CTNNA3: variants seen among roughly 807,000 people sequenced by gnomAD.
CTNNA3 encodes catenin alpha-3.
Under a neutral mutation model 95.7 loss-of-function variants are expected in CTNNA3, and 76 were observed. The observed-to-expected ratio is 0.79, with a 90% CI of 0.66 to 0.96. The LOEUF (loss-of-function observed/expected upper bound fraction) is 0.96, where lower values mean the gene tolerates loss of function less well. Ranked by LOEUF, CTNNA3 falls within the 40% of genes least tolerant of loss-of-function variation. The pLI is 0.00. For missense variants in CTNNA3, 1,191 were observed against 1,089.8 expected, an observed-to-expected ratio of 1.09 and a Z score of -1.31; for synonymous variants, 431 against 374.4, an observed-to-expected ratio of 1.15 and a Z score of -1.74.
intron 16 of CTNNA3, among the ~76,000 whole-genome samples, chr10:65,971,585 T>C (rs1404203885): frequency 6.6e-6 from 1 of 151,734 alleles, no homozygotes; most frequent in Non-Finnish European, 1.5e-5. Flanking sequence ...AAAAGATAAA[T>C]TTCTGAAACA....
intron 7 of CTNNA3, among the ~76,000 whole-genome samples, chr10:66,986,361 G>A (rs1426070685): frequency 6.6e-6 from 1 of 152,036 alleles, no homozygotes; most frequent in Non-Finnish European, 1.5e-5. Context: ...GCCAGGCATG[G>A]TGGCACATGC....
chr10:66,326,988 CAGTT>C (rs1453141848), intron 12 of CTNNA3, among the ~76,000 whole-genome samples: 5 of 151,980 alleles, frequency 3.3e-5, no homozygotes, highest in African/African-American at 7.3e-5. Context: ...TTTAGTCAAA[CAGTT>C]AGGCAGCTAA....
chr10:66,579,137 T>C (rs975200828), intron 10 of CTNNA3, among the ~76,000 whole-genome samples: 2 of 151,892 alleles, frequency 1.3e-5, no homozygotes, highest in South Asian at 2.1e-4. Flanking sequence ...CTGTTCATAA[T>C]AGTCTCTGAG....
At chr10:67,464,579 T>C (rs940716892) in intron 5 of CTNNA3, among the ~76,000 whole-genome samples, 2 of 152,140 alleles carry the variant, frequency 1.3e-5, no homozygotes, top group Non-Finnish European at 2.9e-5. Flanking sequence ...AGCAGACCTT[T>C]TGGGGTACTT....
chr10:67,012,079 C>G (rs1001828592), intron 7 of CTNNA3, among the ~76,000 whole-genome samples: 1 of 152,142 alleles, frequency 6.6e-6, no homozygotes, highest in African/African-American at 2.4e-5. Context: ...TCACAAGCTC[C>G]GTAGATACAA....
intron 11 of CTNNA3, among the ~76,000 whole-genome samples, chr10:66,417,239 A>G (rs1187415758): frequency 6.6e-6 from 1 of 152,014 alleles, no homozygotes; most frequent in Non-Finnish European, 1.5e-5. Flanking sequence ...AGAGGTAGCT[A>G]TACTCATATC....
chr10:66,923,196 C>G (rs1374445091), intron 7 of CTNNA3, among the ~76,000 whole-genome samples: 1 of 152,146 alleles, frequency 6.6e-6, no homozygotes, highest in African/African-American at 2.4e-5. Flanking sequence ...TGTCTGAAAA[C>G]TAAGAGCAAT....
intron 5 of CTNNA3, among the ~76,000 whole-genome samples, chr10:67,233,701 C>CA (rs1306257033): frequency 7.6e-5 from 11 of 144,512 alleles, no homozygotes; most frequent in Non-Finnish European, 1.5e-4. Flanking sequence ...AAAAACCCTT[C>CA]AAAAAATTAA....
At position 66,584,820 on chromosome 10, in the gene CTNNA3, T is replaced by C. The variant is rs138539211; in HGVS notation, c.1374+36872A>G. On this transcript the variant is annotated intron_variant, in intron 10 of 17. Coordinates refer to ENST00000433211, the MANE Select transcript of CTNNA3 (RefSeq NM_013266.4). The stretch of plus-strand genomic sequence containing the variant: ...TTTCAGGAGTATTTATTCTGGTGAG[T>C]AACAACAACTTGTTTCAAGATTTAG... 4.1e-3 allele frequency among the ~76,000 whole-genome samples: 621 copies of C among 152,162 alleles called. 4 individuals are homozygous for C. Among genetic ancestry groups the C allele is most frequent in the African/African-American group, 0.014 (589 of 41,550 alleles).
At chr10:66,739,266 T>C (rs1418095767) in intron 9 of CTNNA3, among the ~76,000 whole-genome samples, 1 of 151,950 alleles carries the variant, frequency 6.6e-6, no homozygotes, top group Non-Finnish European at 1.5e-5. Context: ...ACAAAACAGA[T>C]TGCTGTCACA....
chr10:67,009,632 G>A (rs1018411347), intron 7 of CTNNA3, among the ~76,000 whole-genome samples: 12 of 151,830 alleles, frequency 7.9e-5, no homozygotes, highest in African/African-American at 2.9e-4. Context: ...AATTTCTCTT[G>A]TGATTTTTTT....
chr10:66,863,428 C>T (rs1402927133), intron 7 of CTNNA3, among the ~76,000 whole-genome samples: 1 of 151,740 alleles, frequency 6.6e-6, no homozygotes, highest in East Asian at 1.9e-4. Context: ...ATAATCCAGG[C>T]AAGAGACAAA....
intron 2 of CTNNA3, among the ~76,000 whole-genome samples, chr10:67,611,457 G>A (rs1843451371): frequency 6.6e-6 from 1 of 152,078 alleles, no homozygotes; most frequent in Non-Finnish European, 1.5e-5. Flanking sequence ...GGGACTACAG[G>A]CACCTGCCAC....
intron 5 of CTNNA3, among the ~76,000 whole-genome samples, chr10:67,510,495 G>C (rs1002497944): frequency 6.7e-6 from 1 of 150,316 alleles, no homozygotes; most frequent in African/African-American, 2.5e-5. Flanking sequence ...TCAAAGATCA[G>C]ATGGTTGTAG....
intron 1 of CTNNA3, among the ~76,000 whole-genome samples, chr10:67,657,005 A>G (rs755770982): frequency 6.6e-6 from 1 of 152,262 alleles, no homozygotes; most frequent in Non-Finnish European, 1.5e-5. Context: ...GGGAGTTCCC[A>G]TAGTAACCTA....
chr10:66,722,958 A>C (rs943693574), intron 9 of CTNNA3, among the ~76,000 whole-genome samples: 6 of 152,096 alleles, frequency 3.9e-5, no homozygotes, highest in African/African-American at 1.4e-4. Context: ...AGGCCCGGTG[A>C]TTCTGGCCTT....
intron 15 of CTNNA3, among the ~76,000 whole-genome samples, chr10:66,050,875 A>C (rs1424875650): frequency 6.7e-6 from 1 of 149,752 alleles, no homozygotes; most frequent in Non-Finnish European, 1.5e-5. Flanking sequence ...TTTTTAAGAG[A>C]TGGGGTCTTG....
chr10:66,776,174 A>T (rs1055930234), intron 7 of CTNNA3, among the ~76,000 whole-genome samples: 1 of 152,180 alleles, frequency 6.6e-6, no homozygotes, highest in Non-Finnish European at 1.5e-5. Flanking sequence ...GCACATAGAG[A>T]GTCACCTTGG....
intron 7 of CTNNA3, among the ~76,000 whole-genome samples, chr10:67,134,953 G>C (rs555734080): frequency 6.6e-6 from 1 of 152,246 alleles, no homozygotes; most frequent in Non-Finnish European, 1.5e-5. Flanking sequence ...ATTCCTAGAA[G>C]GTGGGAACAT....
Sources: gnomAD v4.1 joint callset for allele counts (sites outside exome capture counted in the v4.1 genomes callset) on GRCh38, gnomAD v4.1.1 for gene constraint, MANE v1.5 for transcripts, NCBI Gene and HGNC (gene_info 2026-07-23, HGNC 2026-07-21) for gene names.